The following INVS variants were observed in gnomAD, a reference collection of about 807,000 sequenced individuals.
The protein encoded by INVS is inversin, also known as inversion of embryo turning homolog.
In INVS, 86 loss-of-function variants were observed where a neutral mutation model predicts 108.8. That is an observed-to-expected ratio of 0.79 (90% CI 0.66 to 0.95). The LOEUF is 0.95. INVS is among the 40% of genes least tolerant of loss of function. The probability of loss-of-function intolerance (pLI) is 0.00; values close to 1 mark genes in which losing one functional copy is unlikely to be tolerated. For missense variants in INVS, 1,169 were observed against 1,297.4 expected (o/e 0.90, Z 1.52); for synonymous variants, 455 against 473.5 (o/e 0.96, Z 0.51).
At chr9:100,172,068 C>T (rs1412316495) in intron 3 of INVS, among the ~76,000 whole-genome samples, 2 of 151,784 alleles carry the variant, frequency 1.3e-5, no homozygotes, top group Admixed American at 1.3e-4. Context: ...CTAAAGAGTC[C>T]TGACTTAGAT....
intron 2 of INVS, among the ~76,000 whole-genome samples, chr9:100,122,954 T>G (rs566649228): frequency 3.9e-5 from 6 of 152,312 alleles, no homozygotes; most frequent in Admixed American, 2.0e-4. Flanking sequence ...AATGTAATTA[T>G]GAATGTTAAG....
intron 3 of INVS, among the ~76,000 whole-genome samples, chr9:100,213,800 T>C (rs951340535): frequency 1.5e-4 from 23 of 152,202 alleles, no homozygotes; most frequent in African/African-American, 5.5e-4. Flanking sequence ...CTACCACTTT[T>C]ATAGTAAGCA....
intron 3 of INVS, chr9:100,176,183 T>C (rs928336018): frequency 8.3e-6 from 3 of 362,102 alleles, no homozygotes; most frequent in Non-Finnish European, 1.6e-5. Context: ...ATATCTTTGT[T>C]TCCTTTATGC....
chr9:100,137,121 A>C (rs1828254096), intron 3 of INVS, among the ~76,000 whole-genome samples: 1 of 152,214 alleles, frequency 6.6e-6, no homozygotes, highest in African/African-American at 2.4e-5. Context: ...ATGAACTTAG[A>C]ATGTATCTGA....
chr9:100,235,789 G>T (rs925876709), intron 5 of INVS, among the ~76,000 whole-genome samples: 3 of 151,984 alleles, frequency 2.0e-5, no homozygotes, highest in Non-Finnish European at 2.9e-5. Flanking sequence ...TCTGTCTGGC[G>T]CCCCTTAACA....
chr9:100,127,581 A>G lies in INVS; in HGVS notation c.273+1032A>G, dbSNP rs181480367. Among the ~76,000 whole-genome samples the G allele has an allele frequency of 4.6e-5, 7 of 152,290 alleles. No individual in the cohort carries two copies. In the East Asian group the frequency reaches 7.7e-4, roughly 17 times the overall value. On this transcript the variant is annotated intron_variant, in intron 3 of 16. Coordinates refer to ENST00000262457, the MANE Select transcript of INVS (RefSeq NM_014425.5). Reference sequence around the variant, plus strand: ...TTAAAATGAGTTAGATCCAGCGGGAACTATTAGAGTTATTTTCTATTTAAA... The same window carrying G: ...TTAAAATGAGTTAGATCCAGCGGGAGCTATTAGAGTTATTTTCTATTTAAA...
intron 10 of INVS, among the ~76,000 whole-genome samples, chr9:100,259,402 T>C (rs1316428897): frequency 1.3e-5 from 2 of 152,008 alleles, no homozygotes; most frequent in African/African-American, 4.8e-5. Flanking sequence ...CTTCTTTGGC[T>C]CACACTCCAT....
At chr9:100,287,990 C>G (rs921528657) in intron 13 of INVS, among the ~76,000 whole-genome samples, 1 of 152,094 alleles carries the variant, frequency 6.6e-6, no homozygotes, top group African/African-American at 2.4e-5. Context: ...ATTATCAACA[C>G]CCCCCACACC....
At position 100,106,663 on chromosome 9, in the gene INVS, T is replaced by C. The variant is rs376544445; in HGVS notation, c.106+2036T>C. On this transcript the variant is annotated intron_variant, in intron 2 of 16. Transcript: ENST00000262457. ...AGTTATGTGGGCAGTCTAGGTTAGATAGATATCTCCATTTCACAAAACCAT... is the reference window on the plus strand; with the variant it reads ...AGTTATGTGGGCAGTCTAGGTTAGACAGATATCTCCATTTCACAAAACCAT... 1.2e-4 allele frequency among the ~76,000 whole-genome samples: 18 copies of C among 152,314 alleles called. No homozygotes were observed. The South Asian group carries it at 2.3e-3, about 19-fold the overall frequency.
At chr9:100,141,263 T>G (rs2118948034) in intron 3 of INVS, among the ~76,000 whole-genome samples, 1 of 152,346 alleles carries the variant, frequency 6.6e-6, no homozygotes, top group South Asian at 2.1e-4. Flanking sequence ...TGTAACATTC[T>G]GAGGACAGGC....
intron 1 of INVS, among the ~76,000 whole-genome samples, chr9:100,100,613 A>ATT (rs1491408110): frequency 6.9e-5 from 5 of 72,442 alleles, no homozygotes; most frequent in Admixed American, 2.4e-4. Context: ...TAATATATAT[A>ATT]ATATATGTAT....
In INVS at chr9:100,246,634, T is replaced by G. The variant is rs1832057220; in HGVS notation, c.925T>G (p.Leu309Val). ...SNFAETVKVFLKHPSVKDDSD... is the reference protein window; with the variant it reads ...SNFAETVKVFVKHPSVKDDSD... ...CTTACAGGAAACGGTTAAAGTGTTT[T>G]TAAAACATCCTTCAGTGAAAGATGA... Residue 309 changes from leucine (L) to valine (V), a missense_variant, in exon 8 of 17, where the codon TTA becomes GTA. Physicochemically the swap from Leu to Val is conservative, Grantham distance 32. Around this residue, in one of 3 missense-constraint regions of INVS, gnomAD observed 365 missense variants for 397.5 expected, o/e 0.92. Coordinates refer to ENST00000262457, the MANE Select transcript of INVS (RefSeq NM_014425.5). 9.3e-6 allele frequency: 15 copies of G among 1,613,846 alleles called. No homozygotes were observed. The East Asian group carries it at 3.3e-4, about 36-fold the overall frequency.
intron 12 of INVS, among the ~76,000 whole-genome samples, chr9:100,282,654 C>T (rs560496685): frequency 2.6e-5 from 4 of 152,260 alleles, no homozygotes; most frequent in South Asian, 2.1e-4. Context: ...TTAGGGTCTC[C>T]GCCTTGTCTC....
At chr9:100,271,543 A>G (rs1486832026) in intron 11 of INVS, among the ~76,000 whole-genome samples, 2 of 152,262 alleles carry the variant, frequency 1.3e-5, no homozygotes, top group Non-Finnish European at 2.9e-5. Flanking sequence ...GCATATATAC[A>G]TGAATAATTT....
chr9:100,178,372 A>G (rs1405944299), intron 3 of INVS, among the ~76,000 whole-genome samples: 3 of 152,224 alleles, frequency 2.0e-5, no homozygotes, highest in Non-Finnish European at 4.4e-5. Flanking sequence ...ACCCAATGCA[A>G]GAAAGCTAAG....
intron 16 of INVS, among the ~76,000 whole-genome samples, chr9:100,299,678 AC>A (rs1314336014): frequency 7.4e-5 from 10 of 135,090 alleles, no homozygotes; most frequent in African/African-American, 1.1e-4. Context: ...ACACACACAC[AC>A]ACCTGGGCCT....
At chr9:100,188,485 T>C (rs1324169567) in intron 3 of INVS, among the ~76,000 whole-genome samples, 2 of 152,210 alleles carry the variant, frequency 1.3e-5, no homozygotes, top group South Asian at 2.1e-4. Context: ...ATCGTACTTA[T>C]TGACTTGCAA....
chr9:100,246,758 T>C lies in INVS; in HGVS notation c.1049T>C (p.Ile350Thr), dbSNP rs1232325977. The change falls in exon 8 of 17, where the codon ATT becomes ACT. Residue 350 changes from isoleucine to threonine, a missense_variant. This residue lies in a region of INVS where 271 missense variants were observed against 363.8 expected (regional missense o/e 0.74). Coordinates refer to ENST00000262457, the MANE Select transcript of INVS (RefSeq NM_014425.5). ...CTGAGCTTAAAATCGGACATAGATA[T>C]TAACATGGCTGACAAATATGGAGGT... ...TMLSLKSDID[I>T]NMADKYGGTA... The C allele has an allele frequency of 6.2e-7, 1 of 1,614,100 alleles. No individual in the cohort carries two copies. The highest frequency in any genetic ancestry group is 1.1e-5 in the South Asian group (1 of 91,082).
intron 12 of INVS, among the ~76,000 whole-genome samples, chr9:100,275,538 T>A (rs1158586090): frequency 6.6e-6 from 1 of 152,236 alleles, no homozygotes; most frequent in African/African-American, 2.4e-5. Flanking sequence ...GTGTTTAATT[T>A]TGCGTTTAAT....
Sources: gnomAD v4.1 joint callset for allele counts (sites outside exome capture counted in the v4.1 genomes callset) on GRCh38, gnomAD v4.1.1 for gene constraint, gnomAD v4.1.1 regional missense constraint, MANE v1.5 for transcripts, NCBI Gene and HGNC (gene_info 2026-07-23, HGNC 2026-07-21) for gene names.